KREMEN1: variants seen among roughly 807,000 people sequenced by gnomAD.
KREMEN1 encodes the protein kremen protein 1.
Under a neutral mutation model 46.5 loss-of-function variants are expected in KREMEN1, and 30 were observed. The ratio of observed to expected loss-of-function variants is 0.65; its 90% CI spans 0.48 to 0.88. KREMEN1 has a LOEUF of 0.88. KREMEN1 is among the 40% of genes least tolerant of loss of function. The probability of loss-of-function intolerance (pLI) is 0.00; values close to 1 mark genes in which losing one functional copy is unlikely to be tolerated. For synonymous variants in KREMEN1, 214 were observed against 230.6 expected, an observed-to-expected ratio of 0.93 and a Z score of 0.65; for missense variants, 533 against 596.9, an observed-to-expected ratio of 0.89 and a Z score of 1.11.
intron 3 of KREMEN1, among the ~76,000 whole-genome samples, chr22:29,101,368 A>G (rs1323179154): frequency 6.6e-6 from 1 of 152,210 alleles, no homozygotes; most frequent in Non-Finnish European, 1.5e-5. Flanking sequence ...AAGCTAAAGT[A>G]ATTAAAAAGT....
chr22:29,158,433 G>A (rs753369363), intron 9 of KREMEN1, among the ~76,000 whole-genome samples: 2 of 152,158 alleles, frequency 1.3e-5, no homozygotes, highest in African/African-American at 2.4e-5. Context: ...GCGGAGAGGC[G>A]CCGACATGGG....
chr22:29,078,880 C>T (rs867449353), intron 1 of KREMEN1, among the ~76,000 whole-genome samples: 2 of 152,212 alleles, frequency 1.3e-5, no homozygotes, highest in African/African-American at 4.8e-5. Flanking sequence ...ACCTTCTGGC[C>T]GGCTCACTGG....
intron 5 of KREMEN1, 92 bp from the exon 6 acceptor site, chr22:29,137,250 G>T: frequency 1.2e-6 from 1 of 863,414 alleles, no homozygotes; most frequent in Non-Finnish European, 1.7e-6. Flanking sequence ...ATGGGATCCT[G>T]CTCGTTAGGA....
intron 3 of KREMEN1, among the ~76,000 whole-genome samples, chr22:29,115,056 T>C (rs1439728901): frequency 2.0e-5 from 3 of 152,240 alleles, no homozygotes; most frequent in Non-Finnish European, 1.5e-5. Flanking sequence ...TGGTTGAGTC[T>C]GCTTTCCACT....
intron 3 of KREMEN1, among the ~76,000 whole-genome samples, chr22:29,110,437 G>C (rs187012335): frequency 1.6e-4 from 25 of 152,338 alleles, no homozygotes; most frequent in African/African-American, 5.8e-4. Flanking sequence ...CAACACACAT[G>C]TACAGGGAGG....
Position 29,145,278 on chromosome 22 carries a change from G to A in KREMEN1, c.*3166G>A. ...TGGGGGTTGGAGGTGGCGAAAAGAGGGTAACCCTGGGAAAGTCAGTCAGAA... is the reference window on the plus strand; with the variant it reads ...TGGGGGTTGGAGGTGGCGAAAAGAGAGTAACCCTGGGAAAGTCAGTCAGAA... On this transcript the variant is annotated 3_prime_UTR_variant, in exon 9 of 9. Transcript: ENST00000400335. The A allele has an allele frequency of 1.0e-6, 1 of 985,636 alleles. No individual in the cohort carries two copies. The highest frequency in any genetic ancestry group is 1.2e-6 in the Non-Finnish European group (1 of 830,068). 61.1% of individuals were successfully genotyped at this position (985,636 alleles called of 1,614,324 possible).
chr22:29,158,241 C>T (rs2038980914), intron 9 of KREMEN1, among the ~76,000 whole-genome samples: 1 of 152,152 alleles, frequency 6.6e-6, no homozygotes, highest in African/African-American at 2.4e-5. Context: ...TCACGTGCAG[C>T]CAGCCATGGC....
In KREMEN1 at chr22:29,134,547, T is replaced by TTTATCTC. The variant is rs201710628; in HGVS notation, c.632-2792_632-2791insTCTCTTA. Reference sequence around the variant, plus strand: ...CATTGAGTCTAGTTCTGTAGATTGTTTTAACAATGTCTTTCCCCCCTCCCA... The same window carrying TTTATCTC: ...CATTGAGTCTAGTTCTGTAGATTGTTTTATCTCTTAACAATGTCTTTCCCCCCTCCCA... On this transcript the variant is annotated intron_variant, in intron 5 of 8. Transcript: ENST00000400335. Among the ~76,000 whole-genome samples, 1,365 of 152,316 alleles carry TTTATCTC rather than the reference T, an allele frequency of 9.0e-3. 14 individuals carry two copies. The highest frequency in any genetic ancestry group is 0.031 in the African/African-American group (1,302 of 41,552).
At chr22:29,076,468 C>CTG (rs1281092615) in intron 1 of KREMEN1, among the ~76,000 whole-genome samples, 1 of 152,208 alleles carries the variant, frequency 6.6e-6, no homozygotes, top group Admixed American at 6.5e-5. Flanking sequence ...CTTGCATACT[C>CTG]TGAGTATTTT....
chr22:29,160,525 C>G (rs132302), intron 9 of KREMEN1, among the ~76,000 whole-genome samples: 132,303 of 145,950 alleles, frequency 0.91, 59,972 homozygotes, highest in East Asian at 1. Flanking sequence ...GGGTGACAGA[C>G]CGAGACTCCG....
intron 7 of KREMEN1, 51 bp from the exon 8 acceptor site, chr22:29,140,231 C>A (rs779987683): frequency 6.0e-6 from 9 of 1,504,012 alleles, no homozygotes; most frequent in Admixed American, 5.0e-5. Context: ...GACCTCCTTT[C>A]GAAAACCAAC....
At chr22:29,092,609 A>G (rs1419463527) in intron 1 of KREMEN1, among the ~76,000 whole-genome samples, 1 of 152,228 alleles carries the variant, frequency 6.6e-6, no homozygotes, top group Non-Finnish European at 1.5e-5. Context: ...CTCTTGGTAG[A>G]GGGGTTTGGT....
chr22:29,088,547 C>G (rs1385253243), intron 1 of KREMEN1, among the ~76,000 whole-genome samples: 3 of 152,126 alleles, frequency 2.0e-5, no homozygotes, highest in African/African-American at 7.2e-5. Context: ...CCAGGCTGGT[C>G]TCGAACTCTT....
At chr22:29,116,577 A>C (rs961012275) in intron 3 of KREMEN1, among the ~76,000 whole-genome samples, 10 of 152,200 alleles carry the variant, frequency 6.6e-5, no homozygotes, top group African/African-American at 2.4e-4. Context: ...TGTTAATGCA[A>C]GCCATGGCCA....
rs1466342060 is a variant in KREMEN1 at position 29,073,409 on chromosome 22, G to A, written c.97+182G>A. On this transcript the variant is annotated intron_variant, in intron 1 of 8. Transcript: ENST00000400335. The surrounding 1 kb of genome is among the most constrained non-coding windows in gnomAD (Gnocchi z 4.4). ...CTTCCTGGGACCCGGGCTACCCCCA[G>A]GCCCGTCATCGACGCCCCCGGGCCC... Among the ~76,000 whole-genome samples the A allele has an allele frequency of 6.6e-6, 1 of 151,300 alleles. No homozygotes were observed. The highest frequency in any genetic ancestry group is 2.4e-5 in the African/African-American group (1 of 41,168).
chr22:29,141,103 C>T (rs1318638084), intron 8 of KREMEN1, among the ~76,000 whole-genome samples: 2 of 152,206 alleles, frequency 1.3e-5, no homozygotes, highest in African/African-American at 2.4e-5. Context: ...CTGCTACAGA[C>T]TTCTTATACA....
chr22:29,106,120 C>A (rs1469037965), intron 3 of KREMEN1, among the ~76,000 whole-genome samples: 2 of 152,174 alleles, frequency 1.3e-5, no homozygotes, highest in African/African-American at 4.8e-5. Context: ...TTGTTTCTGT[C>A]AGCACTTTCT....
intron 6 of KREMEN1, among the ~76,000 whole-genome samples, chr22:29,138,360 G>C (rs1210451676): frequency 1.3e-5 from 2 of 152,186 alleles, no homozygotes; most frequent in African/African-American, 4.8e-5. Context: ...CCAAGTACAG[G>C]GGCAGAGAAG....
In KREMEN1 at chr22:29,143,418, C is replaced by A; in HGVS notation, c.*1306C>A. 1 of 985,392 alleles carries A rather than the reference C, an allele frequency of 1.0e-6. No individual in the cohort carries two copies. Among genetic ancestry groups the A allele is most frequent in the Non-Finnish European group, 1.2e-6 (1 of 829,970 alleles). 61.0% of individuals were successfully genotyped at this position (985,392 alleles called of 1,614,324 possible). Reference sequence around the variant, plus strand: ...ATGAGACATGGGGCCTGTGGTCCTTCCTTCTGGTGTCCCCCGTGTTAAAAG... The same window carrying A: ...ATGAGACATGGGGCCTGTGGTCCTTACTTCTGGTGTCCCCCGTGTTAAAAG... On this transcript the variant is annotated 3_prime_UTR_variant, in exon 9 of 9. Coordinates refer to ENST00000400335, the MANE Select transcript of KREMEN1 (RefSeq NM_001039570.3).
Sources: gnomAD v4.1 joint callset for allele counts (sites outside exome capture counted in the v4.1 genomes callset) on GRCh38, gnomAD v4.1.1 for gene constraint, Gnocchi (gnomAD v3.1) non-coding constraint, MANE v1.5 for transcripts, NCBI Gene and HGNC (gene_info 2026-07-23, HGNC 2026-07-21) for gene names.